Variants in GLCE observed in about 807,000 individuals in gnomAD.
GLCE encodes the protein glucuronic acid epimerase, also known as D-glucuronyl C5-epimerase.
GLCE carries 19 observed loss-of-function variants against 47.9 expected under a neutral mutation model. The observed-to-expected ratio is 0.40, with a 90% confidence interval of 0.28 to 0.58. GLCE has a LOEUF of 0.58. GLCE is among the 20% of genes least tolerant of loss of function. The probability of loss-of-function intolerance (pLI) is 0.48; values close to 1 mark genes in which losing one functional copy is unlikely to be tolerated. For missense variants in GLCE, 556 were observed against 743.3 expected (o/e 0.75, Z 2.93); for synonymous variants, 245 against 263.4 (o/e 0.93, Z 0.68).
At chr15:69,182,525 G>A (rs565065910) in intron 1 of GLCE, among the ~76,000 whole-genome samples, 1 of 152,284 alleles carries the variant, frequency 6.6e-6, no homozygotes, top group African/African-American at 2.4e-5. Context: ...AGTTAAGCAT[G>A]TATGCAAAGG....
intron 2 of GLCE, among the ~76,000 whole-genome samples, chr15:69,231,546 G>C (rs2052521863): frequency 6.6e-6 from 1 of 152,002 alleles, no homozygotes; most frequent in Non-Finnish European, 1.5e-5. Context: ...GCCTCCCAAA[G>C]TGCTGGGATT....
intron 1 of GLCE, among the ~76,000 whole-genome samples, chr15:69,206,653 C>G (rs972638712): frequency 1.3e-5 from 2 of 151,838 alleles, no homozygotes; most frequent in African/African-American, 4.8e-5. Flanking sequence ...CCGTCCTTTT[C>G]TTTTTTGAAT....
At chr15:69,177,601 TCATG>T (rs201168338) in intron 1 of GLCE, among the ~76,000 whole-genome samples, 2,009 of 152,256 alleles carry the variant, frequency 0.013, 41 homozygotes, top group African/African-American at 0.044. Context: ...AGAAGTTTCT[TCATG>T]CATGCCCCTT....
chr15:69,248,054 T>C (rs368412783), intron 2 of GLCE, among the ~76,000 whole-genome samples: 15 of 152,344 alleles, frequency 9.8e-5, no homozygotes, highest in African/African-American at 3.4e-4. Flanking sequence ...AATACAATCT[T>C]ATTTGAAGTA....
intron 2 of GLCE, among the ~76,000 whole-genome samples, chr15:69,251,280 A>G (rs2052840765): frequency 6.6e-6 from 1 of 152,230 alleles, no homozygotes; most frequent in South Asian, 2.1e-4. Context: ...ATTATGACTT[A>G]TCAGGAGACA....
chr15:69,198,256 A>T (rs890432969), intron 1 of GLCE, among the ~76,000 whole-genome samples: 7 of 152,138 alleles, frequency 4.6e-5, no homozygotes, highest in African/African-American at 1.7e-4. Flanking sequence ...TTACTCAACT[A>T]TTGGTTCTTT....
intron 1 of GLCE, among the ~76,000 whole-genome samples, chr15:69,173,587 G>T (rs2051618442): frequency 6.6e-6 from 1 of 152,126 alleles, no homozygotes; most frequent in Non-Finnish European, 1.5e-5. Flanking sequence ...GCCCAGGCTG[G>T]TGACAATTTG....
chr15:69,264,102 C>T (rs556133364), intron 4 of GLCE, among the ~76,000 whole-genome samples: 2 of 152,168 alleles, frequency 1.3e-5, no homozygotes, highest in Non-Finnish European at 2.9e-5. Context: ...GTACATCAGA[C>T]CCCTAGATCT....
At chr15:69,198,150 C>G (rs879457391) in intron 1 of GLCE, among the ~76,000 whole-genome samples, 1 of 152,102 alleles carries the variant, frequency 6.6e-6, no homozygotes, top group Middle Eastern at 3.2e-3. Context: ...GGCATTCAAA[C>G]ACATGTATGC....
chr15:69,236,120 A>G (rs528328517), intron 2 of GLCE, among the ~76,000 whole-genome samples: 1 of 152,308 alleles, frequency 6.6e-6, no homozygotes, highest in East Asian at 1.9e-4. Context: ...GTATCAGTGC[A>G]TTGCTGTGTT....
At chr15:69,219,878 C>T (rs958578927) in intron 2 of GLCE, among the ~76,000 whole-genome samples, 1 of 151,972 alleles carries the variant, frequency 6.6e-6, no homozygotes, top group Non-Finnish European at 1.5e-5. Context: ...CAGTAACTCC[C>T]CAGTTTTCCC....
chr15:69,203,240 C>G (rs1026135245), intron 1 of GLCE, among the ~76,000 whole-genome samples: 2 of 152,010 alleles, frequency 1.3e-5, no homozygotes, highest in Non-Finnish European at 1.5e-5. Context: ...TGGTGTAATA[C>G]TAATTAACTG....
At chr15:69,255,467 G>T (rs1473766377) in intron 2 of GLCE, among the ~76,000 whole-genome samples, 2 of 152,046 alleles carry the variant, frequency 1.3e-5, no homozygotes, top group African/African-American at 4.8e-5. Context: ...AGCATTTTGG[G>T]TACAGCATAC....
At position 69,270,073 on chromosome 15, in the gene GLCE, T is replaced by C. The variant is rs1397312827; in HGVS notation, c.*829T>C. 6.6e-6 allele frequency: 1 copy of C among 152,662 alleles called. No individual in the cohort carries two copies. Among genetic ancestry groups the C allele is most frequent in the Non-Finnish European group, 1.5e-5 (1 of 68,056 alleles). The allele number at this position is 152,662 out of a possible 1,614,324, so 9.5% of individuals were successfully genotyped here. On this transcript the variant is annotated 3_prime_UTR_variant, in exon 5 of 5. Coordinates refer to ENST00000261858, the MANE Select transcript of GLCE (RefSeq NM_015554.3). ...TATTTCAGACTATACCTTGGAGTTT[T>C]GTATATTTTGAGAGAGATATTTTTG...
rs1411093570 is a variant in GLCE, at chr15:69,225,741, T to C, written c.-14+15335T>C. 2.0e-5 allele frequency among the ~76,000 whole-genome samples: 3 copies of C among 152,322 alleles called. No homozygotes were observed. In the South Asian group the frequency reaches 6.2e-4, roughly 32 times the overall value. On this transcript the variant is annotated intron_variant, in intron 2 of 4. Transcript: ENST00000261858. The stretch of plus-strand genomic sequence containing the variant: ...GTACTCTCTCTGTGCCTGGCATCGA[T>C]CTAAACAATTTATGTACATTAACTC...
rs571981964 is a variant in GLCE at position 69,264,181 on chromosome 15, C to T, written c.829+2852C>T. On this transcript the variant is annotated intron_variant, in intron 4 of 4. Transcript: ENST00000261858. ...CCCCATTTTTCCCACCCCCCCAGCC[C>T]GACAACCACCATTCTACTGTTTCTG... Among the ~76,000 whole-genome samples, 6 of 151,096 alleles carry T rather than the reference C, an allele frequency of 4.0e-5. No individual in the cohort carries two copies. The East Asian group carries it at 1.2e-3, about 29-fold the overall frequency.
chr15:69,196,245 G>A (rs764372876), intron 1 of GLCE, among the ~76,000 whole-genome samples: 126 of 152,218 alleles, frequency 8.3e-4, no homozygotes, highest in Non-Finnish European at 1.5e-3. Context: ...AGCATGGAGT[G>A]TTAGGCTGGT....
intron 3 of GLCE, among the ~76,000 whole-genome samples, chr15:69,258,532 G>C (rs2052966810): frequency 1.3e-5 from 2 of 152,098 alleles, no homozygotes. Flanking sequence ...CTTCTCTTTA[G>C]TTGTACACTT....
intron 1 of GLCE, among the ~76,000 whole-genome samples, chr15:69,162,334 A>C (rs1050192137): frequency 6.6e-6 from 1 of 152,088 alleles, no homozygotes; most frequent in Admixed American, 6.5e-5. Context: ...AAAACAGCGT[A>C]TAGGTGAGAA....
Sources: gnomAD v4.1 joint callset for allele counts (sites outside exome capture counted in the v4.1 genomes callset) on GRCh38, gnomAD v4.1.1 for gene constraint, MANE v1.5 for transcripts, NCBI Gene and HGNC (gene_info 2026-07-23, HGNC 2026-07-21) for gene names.